Variants in REEP5 observed in about 807,000 individuals in gnomAD.
The protein encoded by REEP5 is receptor accessory protein 5, also known as receptor expression-enhancing protein 5.
Under a neutral mutation model 22.4 loss-of-function variants are expected in REEP5, and 24 were observed. The ratio of observed to expected loss-of-function variants is 1.07; its 90% confidence interval spans 0.78 to 1.51. The LOEUF (loss-of-function observed/expected upper bound fraction) is 1.51, where lower values mean the gene tolerates loss of function less well. REEP5 is among the 40% of genes most tolerant of loss of function. The pLI, the probability that REEP5 is intolerant of heterozygous loss-of-function variation, is 0.00. For synonymous variants in REEP5, 103 were observed against 88.6 expected, an observed-to-expected ratio of 1.16 and a Z score of -0.92; for missense variants, 252 against 233.0, an observed-to-expected ratio of 1.08 and a Z score of -0.53.
intron 3 of REEP5, chr5:112,892,449 C>T (rs1293721963): frequency 1.9e-6 from 3 of 1,614,072 alleles, no homozygotes; most frequent in Non-Finnish European, 2.5e-6. Context: ...TGGAACCTCA[C>T]CTGAGGGGCA....
chr5:112,892,153 A>G (rs761442929), intron 3 of REEP5: 18 of 1,614,148 alleles, frequency 1.1e-5, no homozygotes, highest in Non-Finnish European at 1.3e-5. Flanking sequence ...AGTAATGGAG[A>G]AGGATCGAGC....
intron 4 of REEP5, among the ~76,000 whole-genome samples, chr5:112,879,634 C>T (rs549404868): frequency 4.5e-4 from 69 of 152,144 alleles, no homozygotes; most frequent in African/African-American, 1.6e-3. Flanking sequence ...CCACCACGCC[C>T]AGCTAATTTT....
chr5:112,879,009 A>G (rs1767983403), intron 4 of REEP5, among the ~76,000 whole-genome samples, 174 bp from the exon 5 acceptor site: 2 of 151,946 alleles, frequency 1.3e-5, no homozygotes, highest in Non-Finnish European at 2.9e-5. Context: ...CAGGAAATGG[A>G]GAAGGTACCT....
chr5:112,907,155 A>T (rs1768974354), intron 2 of REEP5, among the ~76,000 whole-genome samples: 2 of 152,196 alleles, frequency 1.3e-5, no homozygotes, highest in African/African-American at 4.8e-5. Context: ...CTGCACAGCT[A>T]ACCCCTAGAG....
chr5:112,883,752 A>G (rs1768146574), intron 4 of REEP5, among the ~76,000 whole-genome samples: 1 of 152,220 alleles, frequency 6.6e-6, no homozygotes, highest in Middle Eastern at 3.4e-3. Flanking sequence ...CCTCAAACAA[A>G]TGTCCAGGAC....
At chr5:112,905,625 T>C (rs1163345738) in intron 2 of REEP5, among the ~76,000 whole-genome samples, 2 of 150,242 alleles carry the variant, frequency 1.3e-5, no homozygotes, top group African/African-American at 4.9e-5. Context: ...AAAAGATTGA[T>C]TGATTGATTG....
At chr5:112,891,156 TC>T in intron 3 of REEP5, among the ~76,000 whole-genome samples, 1 of 142,096 alleles carries the variant, frequency 7.0e-6, no homozygotes, top group African/African-American at 2.9e-5. Flanking sequence ...CACTGCAACC[TC>T]TGCCTCCTGG....
At chr5:112,884,283 C>T (rs757048059) in intron 4 of REEP5, among the ~76,000 whole-genome samples, 26 of 152,188 alleles carry the variant, frequency 1.7e-4, no homozygotes, top group Admixed American at 1.1e-3. Flanking sequence ...TCTCCTCCTG[C>T]ACCCCTCTAG....
At chr5:112,909,331 G>T (rs769415733) in intron 2 of REEP5, among the ~76,000 whole-genome samples, 17 of 150,442 alleles carry the variant, frequency 1.1e-4, no homozygotes, top group South Asian at 2.1e-4. Flanking sequence ...TCCCTTAACA[G>T]GTATTAATTA....
In REEP5 at chr5:112,922,092, GT is replaced by G. The variant is rs1561663025; in HGVS notation, c.98del (p.Asn33ThrfsTer29). 1 of 1,603,948 alleles carries G rather than the reference GT, an allele frequency of 6.2e-7. No homozygotes were observed. Among genetic ancestry groups the G allele is most frequent in the South Asian group, 1.1e-5 (1 of 89,792 alleles). On this transcript the variant is annotated frameshift_variant, in exon 1 of 5. Transcript: ENST00000379638. LOFTEE classifies it high-confidence loss of function. The stretch of plus-strand genomic sequence containing the variant: ...ACCCACCAAGAGCGATGAAGCTCCT[GT>G]TCACGCCGGTTTTGGCCTCGAGCTT... ...LAKLEAKTGV[N>X]RSFIALGVIG...
chr5:112,914,607 G>A (rs1769191468), intron 2 of REEP5, among the ~76,000 whole-genome samples: 1 of 152,166 alleles, frequency 6.6e-6, no homozygotes, highest in Non-Finnish European at 1.5e-5. Flanking sequence ...TAAAACCAGT[G>A]GTTCTATAAG....
chr5:112,903,378 C>T (rs1486579265), intron 2 of REEP5, among the ~76,000 whole-genome samples: 1 of 152,082 alleles, frequency 6.6e-6, no homozygotes, highest in Admixed American at 6.6e-5. Context: ...TGACAGGGAG[C>T]TAAGCTATGA....
intron 4 of REEP5, among the ~76,000 whole-genome samples, chr5:112,884,192 T>G (rs967766146): frequency 1.3e-5 from 2 of 152,100 alleles, no homozygotes; most frequent in African/African-American, 4.8e-5. Flanking sequence ...TCACATAGAG[T>G]AGAAGCCAAA....
chr5:112,901,265 A>G (rs1363774498), intron 3 of REEP5, among the ~76,000 whole-genome samples: 1 of 152,230 alleles, frequency 6.6e-6, no homozygotes, highest in Non-Finnish European at 1.5e-5. Context: ...AAATGAGAAA[A>G]TATTAGCAAT....
chr5:112,914,339 T>C (rs928282663), intron 2 of REEP5, among the ~76,000 whole-genome samples: 6 of 150,538 alleles, frequency 4.0e-5, no homozygotes, highest in Admixed American at 6.6e-5. Flanking sequence ...GCCTTGACTT[T>C]CTCAAGCTCA....
At position 112,878,793 on chromosome 5, in the gene REEP5, CTCT is replaced by C. The variant is rs772705017; in HGVS notation, c.560_562del (p.Lys187del). 1.2e-6 allele frequency: 2 copies of C among 1,614,112 alleles called. No individual in the cohort carries two copies. Among genetic ancestry groups the C allele is most frequent in the Admixed American group, 1.7e-5 (1 of 60,002 alleles). On this transcript the variant is annotated inframe_deletion, in exon 5 of 5. Transcript: ENST00000379638. The stretch of plus-strand genomic sequence containing the variant: ...GTTTCCATCCAGTCTGGTTTAGGTG[CTCT>C]TCTTTTCTTCACCCAGTAAATTCAC...
intron 2 of REEP5, among the ~76,000 whole-genome samples, chr5:112,907,950 C>A (rs953358742): frequency 2.0e-5 from 3 of 151,836 alleles, no homozygotes; most frequent in Non-Finnish European, 4.4e-5. Context: ...ATATGCAATA[C>A]ATTTCAAATT....
intron 1 of REEP5, 81 bp from the exon 2 acceptor site, chr5:112,921,337 T>A: frequency 3.0e-6 from 4 of 1,344,714 alleles, no homozygotes; most frequent in Non-Finnish European, 4.2e-6. Flanking sequence ...ACCGCGAGGC[T>A]GGGCCTGTTG....
At chr5:112,903,758 C>T (rs79640935) in intron 2 of REEP5, among the ~76,000 whole-genome samples, 3,614 of 152,110 alleles carry the variant, frequency 0.024, 138 homozygotes, top group African/African-American at 0.082. Context: ...AATTGTAGCT[C>T]AATGAGATGA....
Sources: gnomAD v4.1 joint callset for allele counts (sites outside exome capture counted in the v4.1 genomes callset) on GRCh38, gnomAD v4.1.1 for gene constraint, MANE v1.5 for transcripts, NCBI Gene and HGNC (gene_info 2026-07-23, HGNC 2026-07-21) for gene names.